SAP130: variants seen among roughly 807,000 people sequenced by gnomAD.
SAP130 encodes histone deacetylase complex subunit SAP130.
A neutral mutation model predicts 103.2 loss-of-function variants in SAP130; 16 were observed. The observed-to-expected ratio is 0.16, with a 90% CI of 0.10 to 0.24. The LOEUF is 0.24. Ranked by LOEUF, SAP130 falls within the 10% of genes least tolerant of loss-of-function variation. SAP130 has a pLI of 1.00. For missense variants in SAP130, 990 were observed against 1,359.7 expected, an observed-to-expected ratio of 0.73 and a Z score of 4.28; for synonymous variants, 477 against 497.0, an observed-to-expected ratio of 0.96 and a Z score of 0.53.
chr2:127,980,752 G>C (rs953222326), intron 14 of SAP130, among the ~76,000 whole-genome samples: 2 of 151,908 alleles, frequency 1.3e-5, no homozygotes. Context: ...GAGACCAGCC[G>C]GGGCAACATG....
chr2:128,027,372 TCCACAG>T (rs1476700476), intron 1 of SAP130: 4 of 1,133,130 alleles, frequency 3.5e-6, no homozygotes, highest in Non-Finnish European at 4.3e-6. Flanking sequence ...CCAGGACCAA[TCCACAG>T]CGACCTGCAC....
At chr2:128,024,659 G>A (rs1360683495) in intron 2 of SAP130, among the ~76,000 whole-genome samples, 3 of 151,372 alleles carry the variant, frequency 2.0e-5, no homozygotes, top group Non-Finnish European at 2.9e-5. Context: ...TCTGGAGTCC[G>A]GAGTCCGAGA....
chr2:127,993,580 G>T (rs941015768), intron 11 of SAP130, among the ~76,000 whole-genome samples: 2 of 151,908 alleles, frequency 1.3e-5, no homozygotes. Context: ...CTGAAAACCA[G>T]TTCACAAAAT....
intron 9 of SAP130, 96 bp from the exon 10 acceptor site, chr2:127,999,941 G>A: frequency 6.9e-7 from 1 of 1,441,512 alleles, no homozygotes; most frequent in Non-Finnish European, 9.6e-7. Context: ...AAAAAGTTAA[G>A]AGAATTTTTC....
At chr2:128,024,784 C>A (rs888431922) in intron 2 of SAP130, among the ~76,000 whole-genome samples, 3 of 151,522 alleles carry the variant, frequency 2.0e-5, no homozygotes, top group Admixed American at 6.6e-5. Context: ...GAGGCTGAGG[C>A]ACAAGAATCA....
intron 15 of SAP130, among the ~76,000 whole-genome samples, chr2:127,974,762 G>A (rs948983736): frequency 6.6e-6 from 1 of 152,166 alleles, no homozygotes; most frequent in African/African-American, 2.4e-5. Flanking sequence ...GTGGGGAGCC[G>A]AGATTGAGCT....
At chr2:128,027,263 C>A (rs1016300729) in intron 1 of SAP130, 2 of 1,177,916 alleles carry the variant, frequency 1.7e-6, no homozygotes, top group African/African-American at 3.2e-5. Context: ...CTCACCCCCG[C>A]CACCCGGCCG....
At chr2:127,966,293 C>T (rs775695564) in intron 15 of SAP130, among the ~76,000 whole-genome samples, 8 of 151,298 alleles carry the variant, frequency 5.3e-5, no homozygotes, top group Non-Finnish European at 7.4e-5. Context: ...TGCAGTGAGC[C>T]GAGATCGTGC....
intron 12 of SAP130, among the ~76,000 whole-genome samples, chr2:127,991,662 T>G (rs1281128602): frequency 6.6e-6 from 1 of 152,178 alleles, no homozygotes; most frequent in Non-Finnish European, 1.5e-5. Context: ...TTTTACATTC[T>G]CTTTTCTATA....
At chr2:128,018,824 G>A (rs2105222884) in intron 2 of SAP130, among the ~76,000 whole-genome samples, 1 of 151,724 alleles carries the variant, frequency 6.6e-6, no homozygotes, top group Non-Finnish European at 1.5e-5. Context: ...GTGGTTGGGG[G>A]CTGAGCACAG....
Position 127,996,487 on chromosome 2 carries a change from C to T in SAP130, c.1218G>A (p.Lys406=), listed in dbSNP as rs141493208. The T allele has an allele frequency of 9.7e-6, 15 of 1,549,414 alleles. No homozygotes were observed. The highest frequency in any genetic ancestry group is 1.2e-5 in the Non-Finnish European group (14 of 1,144,608). Residue 406 remains lysine (K), a synonymous_variant, in exon 11 of 21, where the codon AAG becomes AAA. Transcript: ENST00000643581. The surrounding 1 kb of genome is among the most constrained non-coding windows in gnomAD (Gnocchi z 4.3). ...AVTTSNIPVA[K]VVPQQITHTS... The stretch of plus-strand genomic sequence containing the variant: ...TGTGCGTGATCTGCTGGGGCACCAC[C>T]TTGGCTGCAAACAGTAAATGCCAAT...
intron 2 of SAP130, among the ~76,000 whole-genome samples, chr2:128,022,382 C>T (rs1685217495): frequency 1.3e-5 from 2 of 152,138 alleles, no homozygotes; most frequent in Non-Finnish European, 2.9e-5. Flanking sequence ...TTGGTGAGAA[C>T]CCTGTTTTGG....
Position 127,989,603 on chromosome 2 carries a change from T to A in SAP130, c.1741A>T (p.Met581Leu). ...INTQGLQPAP[M>L]GTQQPQPEGK... Reference sequence around the variant, plus strand: ...TCAGGCTGAGGCTGCTGAGTACCCATAGGTGCAGGCTGAAGCCCTTGTGTG... The same window carrying A: ...TCAGGCTGAGGCTGCTGAGTACCCAAAGGTGCAGGCTGAAGCCCTTGTGTG... Residue 581 changes from methionine (M) to leucine (L), a missense_variant, in exon 13 of 21, where the codon ATG (methionine) becomes TTG (leucine). Transcript: ENST00000643581. This position sits in a 1 kb window ranked among gnomAD's most constrained non-coding sequence, Gnocchi z 4.6. The A allele has an allele frequency of 6.2e-7, 1 of 1,614,132 alleles. No homozygotes were observed. Among genetic ancestry groups the A allele is most frequent in the Non-Finnish European group, 8.5e-7 (1 of 1,180,000 alleles).
intron 15 of SAP130, among the ~76,000 whole-genome samples, chr2:127,961,349 T>A (rs746186565): frequency 2.6e-5 from 4 of 151,258 alleles, no homozygotes; most frequent in Non-Finnish European, 5.9e-5. Context: ...GGTCTTGCTA[T>A]GTTGCCCAGG....
In SAP130 at chr2:127,956,727, A is replaced by G. The variant is rs917786319; in HGVS notation, c.2064-1383T>C. Among the ~76,000 whole-genome samples, 8 of 147,038 alleles carry G rather than the reference A, an allele frequency of 5.4e-5. 1 individual carries two copies. Among genetic ancestry groups the G allele is most frequent in the Admixed American group, 1.4e-4 (2 of 14,790 alleles). On this transcript the variant is annotated intron_variant, in intron 15 of 20. Transcript: ENST00000643581. The stretch of plus-strand genomic sequence containing the variant: ...TAAAAAAAAAAAAAAAAAAAAAGAA[A>G]GTTGGGTGCAGTCTTGTGGGACTGA...
chr2:127,962,473 C>G (rs1272451644), intron 15 of SAP130, among the ~76,000 whole-genome samples: 1 of 152,178 alleles, frequency 6.6e-6, no homozygotes, highest in Non-Finnish European at 1.5e-5. Flanking sequence ...GACTCAGAAC[C>G]AACCTAAATG....
At chr2:128,012,586 T>C (rs574247671) in intron 6 of SAP130, among the ~76,000 whole-genome samples, 14 of 152,246 alleles carry the variant, frequency 9.2e-5, no homozygotes, top group African/African-American at 2.9e-4. Context: ...TGCAAATATA[T>C]TATACTTCAG....
chr2:128,026,172 A>G lies in SAP130; in HGVS notation c.112+9T>C. On this transcript the variant is annotated intron_variant, in intron 2 of 20. Coordinates refer to ENST00000643581, the MANE Select transcript of SAP130 (RefSeq NM_001330301.2). ...AGGAAAAAATATATTAGAATATTAC[A>G]TATCTCACCTGTAGCAGCTGGGTTT... 3.2e-6 allele frequency: 5 copies of G among 1,568,234 alleles called. No individual in the cohort carries two copies. The highest frequency in any genetic ancestry group is 3.4e-5 in the Admixed American group (2 of 59,284).
chr2:128,022,435 T>A (rs1232460968), intron 2 of SAP130, among the ~76,000 whole-genome samples: 1 of 152,240 alleles, frequency 6.6e-6, no homozygotes, highest in Non-Finnish European at 1.5e-5. Flanking sequence ...ATATAAGTCC[T>A]TGTATAAACA....
Sources: gnomAD v4.1 joint callset for allele counts (sites outside exome capture counted in the v4.1 genomes callset) on GRCh38, gnomAD v4.1.1 for gene constraint, Gnocchi (gnomAD v3.1) non-coding constraint, MANE v1.5 for transcripts, NCBI Gene and HGNC (gene_info 2026-07-23, HGNC 2026-07-21) for gene names.